ANKRD31: variants seen among roughly 807,000 people sequenced by gnomAD.
ANKRD31 encodes ankyrin repeat domain-containing protein 31.
ANKRD31 carries 147 observed loss-of-function variants against 186.0 expected under a neutral mutation model. That is an observed-to-expected ratio of 0.79 (90% CI 0.69 to 0.91). The LOEUF (loss-of-function observed/expected upper bound fraction) is 0.91, where lower values mean the gene tolerates loss of function less well. Ranked by LOEUF, ANKRD31 falls within the 40% of genes least tolerant of loss-of-function variation. ANKRD31 has a pLI of 0.00. For missense variants in ANKRD31, 1,986 were observed against 2,148.8 expected (o/e 0.92, Z 1.50); for synonymous variants, 673 against 736.4 (o/e 0.91, Z 1.39).
intron 23 of ANKRD31, among the ~76,000 whole-genome samples, chr5:75,089,799 T>TATCA (rs1341489437): frequency 1.4e-4 from 22 of 152,242 alleles, no homozygotes; most frequent in Admixed American, 1.4e-3. Context: ...GTGGCTTCAC[T>TATCA]ATCACATAGG....
intron 15 of ANKRD31, among the ~76,000 whole-genome samples, chr5:75,141,922 A>C (rs1751079646): frequency 6.6e-6 from 1 of 152,302 alleles, no homozygotes; most frequent in South Asian, 2.1e-4. Context: ...GCAAAAACTC[A>C]AAAACTTCTC....
chr5:75,171,978 C>T (rs796892715), intron 10 of ANKRD31, among the ~76,000 whole-genome samples: 7 of 151,790 alleles, frequency 4.6e-5, no homozygotes, highest in African/African-American at 1.4e-4. Context: ...ATATTATACA[C>T]TGATAATTAT....
intron 13 of ANKRD31, 69 bp downstream of exon 13, chr5:75,148,506 CT>C: frequency 8.9e-7 from 1 of 1,123,926 alleles, no homozygotes; most frequent in Non-Finnish European, 1.2e-6. Flanking sequence ...TTTCTCTTCC[CT>C]TTGACAATCT....
intron 20 of ANKRD31, 147 bp from the exon 21 acceptor site, chr5:75,107,764 G>A (rs1747452115): frequency 1.8e-6 from 1 of 562,360 alleles, no homozygotes; most frequent in Non-Finnish European, 3.1e-6. Context: ...TCTCAATTAA[G>A]GCTTATTTAA....
At chr5:75,165,239 A>G (rs545438227) in intron 11 of ANKRD31, among the ~76,000 whole-genome samples, 2 of 152,146 alleles carry the variant, frequency 1.3e-5, no homozygotes, top group African/African-American at 4.8e-5. Flanking sequence ...AGCATTGCAA[A>G]TAAAGAATAT....
intron 11 of ANKRD31, among the ~76,000 whole-genome samples, chr5:75,162,056 G>T (rs1035191928): frequency 6.6e-6 from 1 of 152,198 alleles, no homozygotes; most frequent in Non-Finnish European, 1.5e-5. Flanking sequence ...TCCCTACTGG[G>T]GCACTACCTA....
chr5:75,132,129 C>G (rs945833827), intron 17 of ANKRD31, among the ~76,000 whole-genome samples: 1 of 152,228 alleles, frequency 6.6e-6, no homozygotes, highest in Non-Finnish European at 1.5e-5. Context: ...AACGCAGCTC[C>G]TCGCCAGCAA....
At position 75,171,256 on chromosome 5, in the gene ANKRD31, T is replaced by G. The variant is rs532048722; in HGVS notation, c.1565-2135A>C. Among the ~76,000 whole-genome samples, 7 of 152,144 alleles carry G rather than the reference T, an allele frequency of 4.6e-5. No homozygotes were observed. In the East Asian group the frequency reaches 1.2e-3, roughly 25 times the overall value. ...CTCAATAAATGCAAAAAGGTCAAAA[T>G]CATGTAAAATGTATCCTTTATGTTC... On this transcript the variant is annotated intron_variant, in intron 10 of 25. Coordinates refer to ENST00000506364, the MANE Select transcript of ANKRD31 (RefSeq NM_001372053.1).
chr5:75,145,940 A>G lies in ANKRD31; in HGVS notation c.3424+47T>C, dbSNP rs191854913. ...TCAGTTGGAAATTTCTATAAAAATA[A>G]GTAAATCTATAGGAAATATGTACAG... On this transcript the variant is annotated intron_variant, in intron 14 of 25. Coordinates refer to ENST00000506364, the MANE Select transcript of ANKRD31 (RefSeq NM_001372053.1). The G allele has an allele frequency of 3.3e-3, 4,330 of 1,332,296 alleles. 12 individuals carry two copies. Among genetic ancestry groups the G allele is most frequent in the Non-Finnish European group, 3.2e-3 (3,297 of 1,023,376 alleles). 82.5% of individuals were successfully genotyped at this position (1,332,296 alleles called of 1,614,324 possible).
chr5:75,091,889 G>A (rs751351401), intron 22 of ANKRD31, among the ~76,000 whole-genome samples: 2 of 152,100 alleles, frequency 1.3e-5, no homozygotes, highest in African/African-American at 2.4e-5. Context: ...CCTTTGGCAC[G>A]GCACCACGGA....
chr5:75,105,307 C>A, intron 21 of ANKRD31, 89 bp from the exon 22 acceptor site: 1 of 1,304,500 alleles, frequency 7.7e-7, no homozygotes. Flanking sequence ...ACTTTGTCTC[C>A]AAATTTTAAT....
intron 6 of ANKRD31, among the ~76,000 whole-genome samples, chr5:75,196,811 T>G (rs1278024789): frequency 6.6e-6 from 1 of 152,238 alleles, no homozygotes; most frequent in Non-Finnish European, 1.5e-5. Context: ...CCCACTAAAC[T>G]TAACATTTCT....
chr5:75,130,478 GA>G lies in ANKRD31; in HGVS notation c.3876+7377del, dbSNP rs1230351824. Among the ~76,000 whole-genome samples the G allele has an allele frequency of 2.8e-4, 42 of 152,310 alleles. 1 individual carries two copies. Among genetic ancestry groups the G allele is most frequent in the African/African-American group, 9.6e-4 (40 of 41,564 alleles). ...AGAGAGCTGATTGGTCCATTTTACA[GA>G]GAGCTGATTGGTCCATTTTACAGAG... is the stretch of plus-strand genomic sequence containing the variant. On this transcript the variant is annotated intron_variant, in intron 17 of 25. Transcript: ENST00000506364.
Position 75,138,008 on chromosome 5 carries a change from G to T in ANKRD31, c.3734-10C>A. The stretch of plus-strand genomic sequence containing the variant: ...TGAAGTGGTGTCCAACCTAAAAAAA[G>T]AAAAAGAAAAAAAAAAACCCTGCTT... On this transcript the variant is annotated splice_polypyrimidine_tract_variant and intron_variant, in intron 16 of 25. Transcript: ENST00000506364. The T allele has an allele frequency of 1.5e-6, 2 of 1,299,350 alleles. No homozygotes were observed. Among genetic ancestry groups the T allele is most frequent in the South Asian group, 2.2e-5 (1 of 45,262 alleles). The allele number at this position is 1,299,350 out of a possible 1,614,324, so 80.5% of individuals were successfully genotyped here.
chr5:75,186,539 T>G (rs1448906123), intron 10 of ANKRD31, among the ~76,000 whole-genome samples: 4 of 152,212 alleles, frequency 2.6e-5, no homozygotes, highest in Non-Finnish European at 4.4e-5. Context: ...GTTACAGGTA[T>G]AGGAATCAGA....
chr5:75,200,065 T>C (rs911478925), intron 5 of ANKRD31, among the ~76,000 whole-genome samples: 1 of 152,120 alleles, frequency 6.6e-6, no homozygotes, highest in Non-Finnish European at 1.5e-5. Context: ...TCATGCTGTC[T>C]GGAGTTAGGC....
intron 17 of ANKRD31, among the ~76,000 whole-genome samples, chr5:75,126,235 A>G (rs1487976158): frequency 6.6e-6 from 1 of 152,178 alleles, no homozygotes; most frequent in African/African-American, 2.4e-5. Context: ...TGAGGTCAGG[A>G]GTTCGAGACC....
rs867787993 is a variant in ANKRD31 at position 75,116,055 on chromosome 5, T to C, written c.4155+511A>G. On this transcript the variant is annotated intron_variant, in intron 19 of 25. Transcript: ENST00000506364. The stretch of plus-strand genomic sequence containing the variant: ...CTGGATTAAGAAAATGTGGCACATA[T>C]ACACCATGGAATACTATGCAGCCAT... Among the ~76,000 whole-genome samples the C allele has an allele frequency of 3.0e-3, 452 of 151,494 alleles. 3 individuals carry two copies. The highest frequency in any genetic ancestry group is 9.8e-3 in the African/African-American group (403 of 41,262).
rs1405179222 is a variant in ANKRD31 at position 75,104,376 on chromosome 5, G to A, written c.5183C>T (p.Ser1728Phe). ...VVPCADDSQI[S>F]SSSGSGQQDT... is the part of the protein sequence containing the mutation. ...TTGTTGCCCAGATCCAGAGGAAGAG[G>A]AGATCTGACTGTCATCTGCACATGG... The change falls in exon 22 of 26, where the codon TCC (serine) becomes TTC (phenylalanine). Residue 1728 changes from serine (S) to phenylalanine (F), a missense_variant. Transcript: ENST00000506364. 2 of 1,537,168 alleles carry A rather than the reference G, an allele frequency of 1.3e-6. No homozygotes were observed. The highest frequency in any genetic ancestry group is 3.9e-5 in the Admixed American group (2 of 50,984).
Sources: gnomAD v4.1 joint callset for allele counts (sites outside exome capture counted in the v4.1 genomes callset) on GRCh38, gnomAD v4.1.1 for gene constraint, MANE v1.5 for transcripts, NCBI Gene and HGNC (gene_info 2026-07-23, HGNC 2026-07-21) for gene names.